TTL: variants seen among roughly 807,000 people sequenced by gnomAD.
TTL encodes tubulin tyrosine ligase.
Under a neutral mutation model 41.1 loss-of-function variants are expected in TTL, and 10 were observed. The ratio of observed to expected loss-of-function variants is 0.24; its 90% CI spans 0.15 to 0.41. The LOEUF (loss-of-function observed/expected upper bound fraction) is 0.41, where lower values mean the gene tolerates loss of function less well. TTL is among the 10% of genes least tolerant of loss of function. TTL has a pLI of 1.00. For synonymous variants in TTL, 175 were observed against 175.5 expected (o/e 1.00, Z 0.02); for missense variants, 367 against 460.4 (o/e 0.80, Z 1.86).
chr2:112,493,734 A>G (rs1040803357), intron 2 of TTL, among the ~76,000 whole-genome samples: 1 of 152,204 alleles, frequency 6.6e-6, no homozygotes, highest in African/African-American at 2.4e-5. Context: ...CTTTTCTCCC[A>G]TAGAGAGTTG....
intron 2 of TTL, among the ~76,000 whole-genome samples, chr2:112,492,491 G>T (rs1681415126): frequency 6.6e-6 from 1 of 152,204 alleles, no homozygotes; most frequent in South Asian, 2.1e-4. Context: ...AGCACTTTGG[G>T]AGGCCGAGGC....
intron 2 of TTL, among the ~76,000 whole-genome samples, chr2:112,492,826 G>A (rs1681426403): frequency 1.3e-5 from 2 of 152,180 alleles, no homozygotes; most frequent in African/African-American, 2.4e-5. Context: ...GGGAGGTAGA[G>A]GTTGCAGTGA....
intron 2 of TTL, 50 bp from the exon 3 acceptor site, chr2:112,494,093 T>C (rs1450277133): frequency 6.7e-6 from 10 of 1,483,042 alleles, no homozygotes; most frequent in Non-Finnish European, 9.3e-6. Flanking sequence ...CTGAAGGGAG[T>C]GACAAAGTGC....
In TTL at chr2:112,482,735, T is replaced by C. The variant is rs187692670; in HGVS notation, c.157+234T>C. On this transcript the variant is annotated intron_variant, in intron 1 of 6. Transcript: ENST00000233336. This position sits in a 1 kb window ranked among gnomAD's most constrained non-coding sequence, Gnocchi z 5.3. ...CGGTGCGGCCACTCGGGGCCGCAGC[T>C]ACCTCCCGACGGTGACCGGTCCCTG... 1.3e-5 allele frequency among the ~76,000 whole-genome samples: 2 copies of C among 151,478 alleles called. No homozygotes were observed. Among genetic ancestry groups the C allele is most frequent in the Admixed American group, 1.3e-4 (2 of 15,210 alleles).
At chr2:112,498,530 C>T (rs1681597564) in intron 3 of TTL, among the ~76,000 whole-genome samples, 1 of 152,172 alleles carries the variant, frequency 6.6e-6, no homozygotes, top group African/African-American at 2.4e-5. Context: ...TCAGTTCACC[C>T]TAAACTGGTC....
intron 6 of TTL, chr2:112,520,650 A>G: frequency 1.9e-6 from 1 of 537,656 alleles, no homozygotes; most frequent in Non-Finnish European, 3.2e-6. Context: ...TCATGCTTGT[A>G]ATCCCAGCAC....
chr2:112,523,469 C>G (rs1283825735), intron 6 of TTL, among the ~76,000 whole-genome samples: 14 of 151,910 alleles, frequency 9.2e-5, no homozygotes, highest in Admixed American at 9.2e-4. Flanking sequence ...AAAGTCTTCC[C>G]CTGTCACTGG....
chr2:112,496,425 CA>C (rs891950518), intron 3 of TTL, among the ~76,000 whole-genome samples: 2 of 152,124 alleles, frequency 1.3e-5, no homozygotes, highest in African/African-American at 4.8e-5. Context: ...ATAGTTGGCT[CA>C]ACCTTCAAAC....
At position 112,482,356 on chromosome 2, in the gene TTL, C is replaced by A. The variant is rs533252231; in HGVS notation, c.12C>A (p.Phe4Leu). 4.5e-6 allele frequency: 7 copies of A among 1,559,188 alleles called. No individual in the cohort carries two copies. Among genetic ancestry groups the A allele is most frequent in the African/African-American group, 4.1e-5 (3 of 73,374 alleles). ...CGCGGCGCTTCGCCATGTACACCTT[C>A]GTGGTACGCGATGAGAACAGCAGCG... MYT[F>L]VVRDENSSVY... The change falls in exon 1 of 7, where the codon TTC becomes TTA. Residue 4 changes from phenylalanine to leucine, a missense_variant. By Grantham distance (22) the Phe-to-Leu change is conservative (BLOSUM62 0). Transcript: ENST00000233336. This position sits in a 1 kb window ranked among gnomAD's most constrained non-coding sequence, Gnocchi z 5.3.
chr2:112,496,679 G>GTC (rs1200880128), intron 3 of TTL, among the ~76,000 whole-genome samples: 129 of 122,088 alleles, frequency 1.1e-3, no homozygotes, highest in African/African-American at 3.3e-3. Context: ...GTGTGTGTGT[G>GTC]TGTGTGTGTG....
intron 5 of TTL, among the ~76,000 whole-genome samples, chr2:112,510,497 A>ATTTTGTTCT (rs1681893575): frequency 6.6e-6 from 1 of 151,488 alleles, no homozygotes; most frequent in East Asian, 1.9e-4. Context: ...TTGAGATAGA[A>ATTTTGTTCT]TTTTGTTCTT....
intron 3 of TTL, among the ~76,000 whole-genome samples, chr2:112,497,696 G>A (rs578255717): frequency 1.3e-5 from 2 of 151,730 alleles, no homozygotes; most frequent in Non-Finnish European, 2.9e-5. Context: ...CCAGATGGTC[G>A]AACAAGTGAC....
intron 2 of TTL, among the ~76,000 whole-genome samples, chr2:112,493,355 TA>T (rs75154140): frequency 0.011 from 1,607 of 142,754 alleles, 20 homozygotes; most frequent in African/African-American, 0.032. Flanking sequence ...CTTGAGCTGT[TA>T]AAAAAAAAAA....
intron 6 of TTL, 191 bp downstream of exon 6, chr2:112,520,616 G>C: frequency 3.8e-6 from 1 of 261,600 alleles, no homozygotes; most frequent in South Asian, 6.4e-5. Context: ...CCGTGTATAG[G>C]CCAGATAGGC....
chr2:112,521,250 C>T, intron 6 of TTL: 1 of 985,378 alleles, frequency 1.0e-6, no homozygotes, highest in Non-Finnish European at 1.2e-6. Context: ...GGAACAGAAG[C>T]TCCTGAGAAC....
rs1682485043 is a variant in TTL at position 112,530,698 on chromosome 2, C to G, written c.*1903C>G. The G allele has an allele frequency of 4.7e-6, 1 of 212,220 alleles. No homozygotes were observed. 13.1% of individuals were successfully genotyped at this position (212,220 alleles called of 1,614,324 possible). On this transcript the variant is annotated 3_prime_UTR_variant, in exon 7 of 7. Transcript: ENST00000233336. Reference sequence around the variant, plus strand: ...ATCTTTTGGACCCAAATTATAGAGACATTCACGAGTTTTCTAGCCCTCACA... The same window carrying G: ...ATCTTTTGGACCCAAATTATAGAGAGATTCACGAGTTTTCTAGCCCTCACA...
intron 1 of TTL, 102 bp from the exon 2 acceptor site, chr2:112,485,815 C>A: frequency 9.3e-7 from 1 of 1,077,672 alleles, no homozygotes; most frequent in Non-Finnish European, 1.4e-6. Context: ...TTCTAACAGC[C>A]AATCCTGAGA....
At chr2:112,509,788 C>T (rs1043837433) in intron 5 of TTL, among the ~76,000 whole-genome samples, 1 of 152,218 alleles carries the variant, frequency 6.6e-6, no homozygotes, top group Admixed American at 6.5e-5. Flanking sequence ...TTCTGCGTCG[C>T]TCACGCTGGG....
Position 112,502,938 on chromosome 2 carries a change from A to G in TTL, c.632A>G (p.Tyr211Cys), listed in dbSNP as rs145943018. 2 of 1,613,544 alleles carry G rather than the reference A, an allele frequency of 1.2e-6. No individual in the cohort carries two copies. Among genetic ancestry groups the G allele is most frequent in the Non-Finnish European group, 1.7e-6 (2 of 1,179,788 alleles). The change falls in exon 5 of 7, where the codon TAT (tyrosine) becomes TGT (cysteine). Residue 211 changes from tyrosine to cysteine, a missense_variant. Transcript: ENST00000233336. ...AGCTGGGTCTTGGTGGATCATCAGTATAATATCTACCTCTATAGAGAGGGT... is the reference window on the plus strand; with the variant it reads ...AGCTGGGTCTTGGTGGATCATCAGTGTAATATCTACCTCTATAGAGAGGGT... ...IRSWVLVDHQ[Y>C]NIYLYREGVL...
Sources: gnomAD v4.1 joint callset for allele counts (sites outside exome capture counted in the v4.1 genomes callset) on GRCh38, gnomAD v4.1.1 for gene constraint, Gnocchi (gnomAD v3.1) non-coding constraint, MANE v1.5 for transcripts, NCBI Gene and HGNC (gene_info 2026-07-23, HGNC 2026-07-21) for gene names.